The following WAC variants were observed in gnomAD, a reference collection of about 807,000 sequenced individuals.
WAC encodes WW domain-containing adapter protein with coiled-coil.
WAC carries 11 observed loss-of-function variants against 79.6 expected under a neutral mutation model. That is an observed-to-expected ratio of 0.14 (90% CI 0.09 to 0.23). The LOEUF (loss-of-function observed/expected upper bound fraction) is 0.23. Among genes scored for constraint, WAC ranks in the 10% least tolerant of loss-of-function variants. The probability of loss-of-function intolerance (pLI) is 1.00; values close to 1 mark genes in which losing one functional copy is unlikely to be tolerated. For missense variants in WAC, 728 were observed against 773.5 expected, an observed-to-expected ratio of 0.94 and a Z score of 0.70; for synonymous variants, 304 against 276.9, an observed-to-expected ratio of 1.10 and a Z score of -0.97.
At chr10:28,547,057 C>G (rs1455999175) in intron 3 of WAC, among the ~76,000 whole-genome samples, 1 of 151,966 alleles carries the variant, frequency 6.6e-6, no homozygotes, top group Non-Finnish European at 1.5e-5. Context: ...CTGTTGGGTA[C>G]AAAGATCTCT....
chr10:28,541,170 A>G (rs1373571503), intron 3 of WAC, among the ~76,000 whole-genome samples: 1 of 152,016 alleles, frequency 6.6e-6, no homozygotes, highest in Non-Finnish European at 1.5e-5. Context: ...GGTGTAACAT[A>G]CTTGGGGTTT....
At chr10:28,610,177 C>T (rs996343860) in intron 8 of WAC, among the ~76,000 whole-genome samples, 2 of 152,090 alleles carry the variant, frequency 1.3e-5, no homozygotes, top group Non-Finnish European at 2.9e-5. Context: ...AGGCGATCCA[C>T]CTGCCTCAGC....
chr10:28,579,945 T>G (rs1479564600), intron 3 of WAC, among the ~76,000 whole-genome samples: 1 of 151,948 alleles, frequency 6.6e-6, no homozygotes, highest in Non-Finnish European at 1.5e-5. Flanking sequence ...ATAAAACCTC[T>G]TATGTGAATT....
At chr10:28,587,741 G>C (rs376511720) in intron 4 of WAC, among the ~76,000 whole-genome samples, 7 of 152,140 alleles carry the variant, frequency 4.6e-5, no homozygotes, top group African/African-American at 2.4e-5. Context: ...AAAGTTATTG[G>C]TATGTGATTG....
At chr10:28,569,518 T>C (rs1838831941) in intron 3 of WAC, among the ~76,000 whole-genome samples, 1 of 152,260 alleles carries the variant, frequency 6.6e-6, no homozygotes, top group South Asian at 2.1e-4. Context: ...TGAATTCTCT[T>C]ATTCTATTGT....
At position 28,620,438 on chromosome 10, in the gene WAC, T is replaced by A. The variant is rs534123034; in HGVS notation, c.*832T>A. 6.5e-6 allele frequency: 1 copy of A among 152,720 alleles called. No individual in the cohort carries two copies. Among genetic ancestry groups the A allele is most frequent in the Non-Finnish European group, 1.5e-5 (1 of 68,030 alleles). 9.5% of individuals were successfully genotyped at this position (152,720 alleles called of 1,614,324 possible). ...TCAAAGTACATTGATTGCTCAAATA[T>A]AAGGAAATGGCCCAATGAACGTGGT... On this transcript the variant is annotated 3_prime_UTR_variant, in exon 14 of 14. Coordinates refer to ENST00000354911, the MANE Select transcript of WAC (RefSeq NM_016628.5).
Position 28,582,356 on chromosome 10 carries a change from T to TA in WAC, c.275-1042dup, listed in dbSNP as rs139157937. 3.0e-3 allele frequency among the ~76,000 whole-genome samples: 461 copies of TA among 152,370 alleles called. 8 individuals are homozygous for TA. In the East Asian group the frequency reaches 0.048, roughly 16 times the overall value. On this transcript the variant is annotated intron_variant, in intron 3 of 13. Transcript: ENST00000354911. ...ATTAATCGGACCATTTTCACTTGGA[T>TA]ATCTAAAACCTTATAGTCATCATCT...
chr10:28,533,900 C>T (rs1018419295), intron 1 of WAC, 98 bp from the exon 2 acceptor site: 26 of 1,458,910 alleles, frequency 1.8e-5, no homozygotes, highest in Non-Finnish European at 2.3e-5. Flanking sequence ...CTCGGTAGGT[C>T]TCCCGCGGGG....
chr10:28,589,955 C>T, intron 5 of WAC, 104 bp downstream of exon 5: 1 of 763,466 alleles, frequency 1.3e-6, no homozygotes, highest in Non-Finnish European at 2.1e-6. Flanking sequence ...TATAGTGCTG[C>T]CCATCTACAC....
At chr10:28,567,185 C>CT (rs371848122) in intron 3 of WAC, among the ~76,000 whole-genome samples, 626 of 143,198 alleles carry the variant, frequency 4.4e-3, no homozygotes, top group African/African-American at 0.013. Flanking sequence ...AATTCCAGCT[C>CT]TTTTTTTTTT....
At chr10:28,547,349 A>G (rs1043842277) in intron 3 of WAC, among the ~76,000 whole-genome samples, 1 of 152,146 alleles carries the variant, frequency 6.6e-6, no homozygotes, top group East Asian at 1.9e-4. Flanking sequence ...AGCCTGGCCA[A>G]CATGGTGAAA....
chr10:28,612,167 C>T (rs959638462), intron 10 of WAC, among the ~76,000 whole-genome samples: 9 of 152,092 alleles, frequency 5.9e-5, no homozygotes, highest in African/African-American at 2.2e-4. Context: ...GGATTTGTCA[C>T]ATGGAGAGTG....
intron 3 of WAC, among the ~76,000 whole-genome samples, chr10:28,551,221 C>T (rs1379375224): frequency 6.6e-6 from 1 of 152,082 alleles, no homozygotes; most frequent in Admixed American, 6.6e-5. Context: ...ATTTAGTGTT[C>T]TATTTCCTGC....
At chr10:28,589,371 T>G (rs985099676) in intron 4 of WAC, 1 of 163,104 alleles carries the variant, frequency 6.1e-6, no homozygotes, top group Non-Finnish European at 1.3e-5. Flanking sequence ...ACTGATGATT[T>G]CATGCCATCA....
intron 3 of WAC, among the ~76,000 whole-genome samples, chr10:28,550,010 C>G (rs1837570612): frequency 6.6e-6 from 1 of 151,994 alleles, no homozygotes; most frequent in African/African-American, 2.4e-5. Context: ...ACTAAAAATA[C>G]AAAAAGTTAG....
At chr10:28,551,784 T>TTGTGTGTGTGTGTGTGTGTGTG (rs71769370) in intron 3 of WAC, among the ~76,000 whole-genome samples, 3 of 124,814 alleles carry the variant, frequency 2.4e-5, no homozygotes, top group East Asian at 4.9e-4. Context: ...TCCTGTCTAC[T>TTGTGTGTGTGTGTGTGTGTGTG]TGTGTGTGTG....
At chr10:28,611,160 T>C (rs1841221924) in intron 9 of WAC, 2 of 812,826 alleles carry the variant, frequency 2.5e-6, no homozygotes, top group South Asian at 1.6e-5. Context: ...TGTGAAACAT[T>C]GCATGTATTT....
At chr10:28,582,313 C>G (rs1044935440) in intron 3 of WAC, among the ~76,000 whole-genome samples, 2 of 152,226 alleles carry the variant, frequency 1.3e-5, no homozygotes, top group African/African-American at 4.8e-5. Context: ...ACCTTTTCTT[C>G]TGAATTCCTA....
intron 3 of WAC, among the ~76,000 whole-genome samples, chr10:28,546,867 CTTTTT>C (rs76863753): frequency 7.0e-6 from 1 of 142,094 alleles, no homozygotes; most frequent in African/African-American, 2.6e-5. Context: ...TTTGATTTGT[CTTTTT>C]TTTTTTTAAC....
Sources: allele counts gnomAD v4.1 joint callset (sites outside exome capture counted in the v4.1 genomes callset), GRCh38; gene constraint gnomAD v4.1.1; transcripts MANE v1.5; gene names NCBI Gene and HGNC (gene_info 2026-07-23, HGNC 2026-07-21).